Variants in FSIP1 observed in about 807,000 individuals in gnomAD.
FSIP1 encodes the protein fibrous sheath-interacting protein 1.
Under a neutral mutation model 60.9 loss-of-function variants are expected in FSIP1, and 65 were observed. That is an observed-to-expected ratio of 1.07 (90% confidence interval 0.87 to 1.31). FSIP1 has a LOEUF of 1.31. FSIP1 is among the 40% of genes most tolerant of loss of function. FSIP1 has a pLI of 0.00. For missense variants in FSIP1, 675 were observed against 665.5 expected (o/e 1.01, Z -0.16); for synonymous variants, 209 against 221.2 (o/e 0.94, Z 0.49).
At chr15:39,606,571 A>G (rs533507221) in intron 11 of FSIP1, among the ~76,000 whole-genome samples, 3 of 152,298 alleles carry the variant, frequency 2.0e-5, no homozygotes, top group Non-Finnish European at 2.9e-5. Flanking sequence ...CTATAAAGCT[A>G]TAATTTTGTA....
intron 11 of FSIP1, among the ~76,000 whole-genome samples, chr15:39,604,842 T>G (rs1890765142): frequency 1.3e-5 from 2 of 152,192 alleles, no homozygotes; most frequent in South Asian, 4.1e-4. Flanking sequence ...CAATCCAAAA[T>G]ATTTTTAATG....
chr15:39,708,379 C>T (rs1895365378), intron 10 of FSIP1, among the ~76,000 whole-genome samples: 1 of 152,226 alleles, frequency 6.6e-6, no homozygotes, highest in African/African-American at 2.4e-5. Flanking sequence ...ACTTTGAATA[C>T]TTAGTCCCAG....
chr15:39,761,711 G>A (rs1897505197), intron 5 of FSIP1, among the ~76,000 whole-genome samples: 1 of 152,152 alleles, frequency 6.6e-6, no homozygotes, highest in Non-Finnish European at 1.5e-5. Flanking sequence ...TTGCTAAGAG[G>A]CTAAATTTCA....
Position 39,765,718 on chromosome 15 carries a change from A to G in FSIP1, c.339T>C (p.Ser113=). ...TCTTCTGAATAGCATCTTGAAGTTGAGAATCTAATTCTTTTAATTTGGGTT... is the reference window on the plus strand; with the variant it reads ...TCTTCTGAATAGCATCTTGAAGTTGGGAATCTAATTCTTTTAATTTGGGTT... ...SDEPKLKELD[S]QLQDAIQKMK... The change falls in exon 4 of 12, where the codon TCT becomes TCC. Residue 113 remains serine (S), a synonymous_variant. Transcript: ENST00000350221. The G allele has an allele frequency of 6.5e-7, 1 of 1,549,830 alleles. No homozygotes were observed. The highest frequency in any genetic ancestry group is 1.4e-5 in the African/African-American group (1 of 72,720).
intron 9 of FSIP1, among the ~76,000 whole-genome samples, chr15:39,723,130 A>C (rs1055042480): frequency 3.9e-5 from 6 of 152,200 alleles, no homozygotes; most frequent in Non-Finnish European, 8.8e-5. Context: ...AACCTTAAAG[A>C]ATATTACTAT....
intron 10 of FSIP1, among the ~76,000 whole-genome samples, chr15:39,656,206 A>G (rs1410381947): frequency 6.6e-6 from 1 of 152,170 alleles, no homozygotes; most frequent in Non-Finnish European, 1.5e-5. Flanking sequence ...ATAAGAATGT[A>G]AGGAAGAAAA....
intron 1 of FSIP1, among the ~76,000 whole-genome samples, chr15:39,777,020 G>C (rs1323849032): frequency 6.6e-6 from 1 of 151,708 alleles, no homozygotes; most frequent in East Asian, 1.9e-4. Flanking sequence ...CTGCCTCCCA[G>C]GTTCAAGCAA....
intron 3 of FSIP1, among the ~76,000 whole-genome samples, chr15:39,768,061 T>G (rs1897753066): frequency 6.6e-6 from 1 of 152,218 alleles, no homozygotes; most frequent in African/African-American, 2.4e-5. Flanking sequence ...ACACTCACCC[T>G]TAGACACTGC....
At chr15:39,673,927 AAAG>A (rs1372657127) in intron 10 of FSIP1, among the ~76,000 whole-genome samples, 7 of 152,132 alleles carry the variant, frequency 4.6e-5, no homozygotes, top group Non-Finnish European at 7.4e-5. Flanking sequence ...TTAAAAGTTT[AAAG>A]GAGAAAAAGG....
In FSIP1 at chr15:39,614,378, G is replaced by T. The variant is rs141066927; in HGVS notation, c.1699+3357C>A. On this transcript the variant is annotated intron_variant, in intron 11 of 11. Transcript: ENST00000350221. ...CAAGGAGGTGAAAGAACTATATATT[G>T]ACAACTATAGAACACTGATGAAAGA... Among the ~76,000 whole-genome samples the T allele has an allele frequency of 8.5e-5, 13 of 152,142 alleles. 1 individual carries two copies. In the East Asian group the frequency reaches 2.3e-3, roughly 27 times the overall value.
intron 10 of FSIP1, among the ~76,000 whole-genome samples, chr15:39,659,130 A>T (rs150063709): frequency 9.8e-5 from 15 of 152,338 alleles, no homozygotes; most frequent in African/African-American, 2.9e-4. Flanking sequence ...GCAGAAAAAA[A>T]TCAGTGGTTA....
At chr15:39,656,779 A>ATATT (rs1893087410) in intron 10 of FSIP1, among the ~76,000 whole-genome samples, 1 of 152,246 alleles carries the variant, frequency 6.6e-6, no homozygotes, top group African/African-American at 2.4e-5. Flanking sequence ...TGAACTATTA[A>ATATT]TATTTTAAAA....
intron 2 of FSIP1, among the ~76,000 whole-genome samples, chr15:39,771,145 A>G (rs1025203348): frequency 3.9e-5 from 6 of 152,144 alleles, no homozygotes; most frequent in African/African-American, 1.4e-4. Context: ...TGAAAACACC[A>G]ATTGACACAG....
chr15:39,716,912 T>C (rs1289942963), intron 9 of FSIP1, among the ~76,000 whole-genome samples: 1 of 146,264 alleles, frequency 6.8e-6, no homozygotes, highest in East Asian at 2.1e-4. Flanking sequence ...CCTCCCGGGT[T>C]CAAGCGATTC....
chr15:39,757,921 A>G (rs937785729), intron 5 of FSIP1, among the ~76,000 whole-genome samples: 4 of 152,142 alleles, frequency 2.6e-5, no homozygotes, highest in Non-Finnish European at 5.9e-5. Context: ...CACACTGCCA[A>G]TACATAATAA....
chr15:39,638,842 A>ATG (rs368981039), intron 10 of FSIP1, among the ~76,000 whole-genome samples: 5 of 145,288 alleles, frequency 3.4e-5, no homozygotes, highest in African/African-American at 1.2e-4. Context: ...GTGTGTGTGC[A>ATG]TGTGTGTGTG....
intron 10 of FSIP1, among the ~76,000 whole-genome samples, chr15:39,637,267 A>G (rs1288594746): frequency 1.3e-5 from 2 of 152,216 alleles, no homozygotes; most frequent in Admixed American, 1.3e-4. Flanking sequence ...TGCAAATAAC[A>G]GAAATAACAA....
intron 10 of FSIP1, among the ~76,000 whole-genome samples, chr15:39,633,124 T>C (rs1405898144): frequency 2.2e-5 from 3 of 138,612 alleles, no homozygotes; most frequent in Non-Finnish European, 4.6e-5. Flanking sequence ...GATGGAATCT[T>C]GCTATCGCCA....
Position 39,772,056 on chromosome 15 carries a change from C to G in FSIP1, c.127-1446G>C, listed in dbSNP as rs184699236. ...CCCCAAGACCTTTCACATCCATCAT[C>G]TCATATGATCCTAACTCAGAAAGAG... is the stretch of plus-strand genomic sequence containing the variant. On this transcript the variant is annotated intron_variant, in intron 2 of 11. Coordinates refer to ENST00000350221, the MANE Select transcript of FSIP1 (RefSeq NM_152597.5). Among the ~76,000 whole-genome samples the G allele has an allele frequency of 6.6e-5, 10 of 152,306 alleles. No individual in the cohort carries two copies. In the East Asian group the frequency reaches 1.9e-3, roughly 29 times the overall value.
Sources: gnomAD v4.1 joint callset for allele counts (sites outside exome capture counted in the v4.1 genomes callset) on GRCh38, gnomAD v4.1.1 for gene constraint, MANE v1.5 for transcripts, NCBI Gene and HGNC (gene_info 2026-07-23, HGNC 2026-07-21) for gene names.